The following ZAN variants were observed in gnomAD, a reference collection of about 807,000 sequenced individuals.
ZAN encodes zonadhesin (gene/pseudogene).
A neutral mutation model predicts 286.2 loss-of-function variants in ZAN; 260 were observed. The observed-to-expected ratio is 0.91, with a 90% CI of 0.82 to 1.01. The LOEUF (loss-of-function observed/expected upper bound fraction) is 1.01, where lower values mean the gene tolerates loss of function less well. Among genes scored for constraint, ZAN ranks in the 50% least tolerant of loss-of-function variants. The probability of loss-of-function intolerance (pLI) is 0.00; values close to 1 mark genes in which losing one functional copy is unlikely to be tolerated. For missense variants in ZAN, 3,410 were observed against 3,639.2 expected (o/e 0.94, Z 1.62); for synonymous variants, 1,368 against 1,417.5 (o/e 0.97, Z 0.79).
chr7:100,755,032 C>T (rs978004044), intron 14 of ZAN, among the ~76,000 whole-genome samples, 194 bp from the exon 15 acceptor site: 3 of 151,928 alleles, frequency 2.0e-5, no homozygotes, highest in Non-Finnish European at 2.9e-5. Context: ...TCAAACAGTC[C>T]TCCTGCCTCA....
chr7:100,749,689 T>C (rs1192545679), intron 11 of ZAN, among the ~76,000 whole-genome samples: 9 of 131,316 alleles, frequency 6.9e-5, no homozygotes, highest in Admixed American at 3.9e-4. Flanking sequence ...CACACACACA[T>C]ATATATACAC....
Position 100,752,663 on chromosome 7 carries a change from C to G in ZAN, c.2558C>G (p.Ser853Cys). 4 of 1,612,320 alleles carry G rather than the reference C, an allele frequency of 2.5e-6. No individual in the cohort carries two copies. The highest frequency in any genetic ancestry group is 3.4e-6 in the Non-Finnish European group (4 of 1,179,182). Residue 853 changes from serine to cysteine, a missense_variant, in exon 14 of 48, where the codon TCC becomes TGC. By Grantham distance (112) the Ser-to-Cys change is moderately radical. Coordinates refer to ENST00000613979, the MANE Select transcript of ZAN (RefSeq NM_003386.3). ...ATCCCCATGGAAAAACCCACCATCT[C>G]CACAGAAAAACCCACCATCCCCACA... ...LTIPMEKPTISTEKPTIPTEK... is the reference protein window; with the variant it reads ...LTIPMEKPTICTEKPTIPTEK...
chr7:100,759,635 C>A, intron 17 of ZAN, 86 bp from the exon 18 acceptor site: 1 of 1,343,106 alleles, frequency 7.4e-7, no homozygotes, highest in Non-Finnish European at 9.6e-7. Context: ...GCTCATCTCT[C>A]CCTGCGGCGC....
chr7:100,752,849 T>G lies in ZAN; in HGVS notation c.2744T>G (p.Ile915Ser), dbSNP rs567597742. The G allele has an allele frequency of 1.9e-6, 3 of 1,598,396 alleles. No homozygotes were observed. In the East Asian group the frequency reaches 6.8e-5, roughly 36 times the overall value. Residue 915 changes from isoleucine (I) to serine (S), a missense_variant, in exon 14 of 48, where the codon ATC becomes AGC. This residue lies in a region of ZAN where 51 missense variants were observed against 105.2 expected (regional missense o/e 0.48). Coordinates refer to ENST00000613979, the MANE Select transcript of ZAN (RefSeq NM_003386.3). ...KPTISPEKPT[I>S]STEKPTIPTE... The stretch of plus-strand genomic sequence containing the variant: ...ACCATCTCCCCAGAAAAACCCACCA[T>G]CTCCACGGAAAAACCCACCATCCCC...
chr7:100,746,996 A>G (rs1339246413), intron 8 of ZAN, among the ~76,000 whole-genome samples: 1 of 152,108 alleles, frequency 6.6e-6, no homozygotes, highest in East Asian at 1.9e-4. Flanking sequence ...AGGCAGGAGA[A>G]TCGCTTGAAC....
At position 100,779,864 on chromosome 7, in the gene ZAN, T is replaced by C. The variant is rs1045536952; in HGVS notation, c.6622+114T>C. The C allele has an allele frequency of 2.3e-5, 27 of 1,151,130 alleles. No individual in the cohort carries two copies. The South Asian group carries it at 4.7e-4, about 20-fold the overall frequency. The allele number at this position is 1,151,130 out of a possible 1,614,324, so 71.3% of individuals were successfully genotyped here. ...TCGTTCCTGACTAACTCAGCCCTCA[T>C]TGTTTCTTTGACAAGGACTATTTTT... On this transcript the variant is annotated intron_variant, in intron 35 of 47. Coordinates refer to ENST00000613979, the MANE Select transcript of ZAN (RefSeq NM_003386.3).
intron 14 of ZAN, among the ~76,000 whole-genome samples, chr7:100,753,901 A>T (rs1808968840): frequency 6.6e-6 from 1 of 151,466 alleles, no homozygotes; most frequent in South Asian, 2.1e-4. Flanking sequence ...AGGTTGTGCA[A>T]CCATCATCAC....
In ZAN at chr7:100,752,652, A is replaced by G. The variant is rs1808822372; in HGVS notation, c.2547A>G (p.Lys849=). ...AAAAACTCACCATCCCCATGGAAAA[A>G]CCCACCATCTCCACAGAAAAACCCA... ...STEKLTIPME[K]PTISTEKPTI... Residue 849 remains lysine, a synonymous_variant, in exon 14 of 48, where the codon AAA becomes AAG. Transcript: ENST00000613979. 1 of 1,608,838 alleles carries G rather than the reference A, an allele frequency of 6.2e-7. No individual in the cohort carries two copies. The highest frequency in any genetic ancestry group is 1.4e-5 in the African/African-American group (1 of 73,256).
chr7:100,792,587 C>T (rs772818852), intron 42 of ZAN, 108 bp downstream of exon 42: 16 of 1,548,646 alleles, frequency 1.0e-5, no homozygotes, highest in Middle Eastern at 2.1e-4. Flanking sequence ...ACCCCTCTGC[C>T]GTCCACCTCT....
intron 29 of ZAN, 71 bp downstream of exon 29, chr7:100,772,091 T>TA: frequency 7.5e-7 from 1 of 1,329,830 alleles, no homozygotes; most frequent in Non-Finnish European, 9.9e-7. Context: ...TTTCTTCCTC[T>TA]AAATTCTTTT....
intron 31 of ZAN, 98 bp downstream of exon 31, chr7:100,773,963 G>A: frequency 6.8e-7 from 1 of 1,466,826 alleles, no homozygotes; most frequent in Non-Finnish European, 9.1e-7. Flanking sequence ...TGGGTTTCAG[G>A]TTTTGACTGG....
Position 100,752,087 on chromosome 7 carries a change from C to T in ZAN, c.1982C>T (p.Pro661Leu), listed in dbSNP as rs756492311. The change falls in exon 14 of 48, where the codon CCC (proline) becomes CTC (leucine). Residue 661 changes from proline to leucine, a missense_variant. By Grantham distance (98) the Pro-to-Leu change is moderately conservative. Coordinates refer to ENST00000613979, the MANE Select transcript of ZAN (RefSeq NM_003386.3). Reference protein sequence around the residue: ...TEKPTVPTEEPTTPTEETTTS... With the variant: ...TEKPTVPTEELTTPTEETTTS... ...AAACCCACCGTCCCCACAGAAGAGCCCACCACCCCCACTGAGGAGACCACC... is the reference window on the plus strand; with the variant it reads ...AAACCCACCGTCCCCACAGAAGAGCTCACCACCCCCACTGAGGAGACCACC... 1.7e-5 allele frequency: 28 copies of T among 1,612,658 alleles called. No individual in the cohort carries two copies. The Admixed American group carries it at 4.3e-4, about 25-fold the overall frequency.
chr7:100,783,777 TATATATACAC>T lies in ZAN; in HGVS notation c.6623-838_6623-829del, dbSNP rs1240405012. On this transcript the variant is annotated intron_variant, in intron 35 of 47. Coordinates refer to ENST00000613979, the MANE Select transcript of ZAN (RefSeq NM_003386.3). Reference sequence around the variant, plus strand: ...AAAAAAAAAAAAATATATATATATATATATATACACATATATATATATACACACATATATA... The same window carrying T: ...AAAAAAAAAAAAATATATATATATATATATATATATATACACACATATATA... Among the ~76,000 whole-genome samples, 6 of 27,052 alleles carry T rather than the reference TATATATACAC, an allele frequency of 2.2e-4. 1 individual carries two copies. The highest frequency in any genetic ancestry group is 3.8e-4 in the Non-Finnish European group (5 of 12,990). 17.7% of individuals were successfully genotyped at this position (27,052 alleles called of 152,430 possible).
At chr7:100,788,243 G>A in intron 38 of ZAN, 107 bp downstream of exon 38, 1 of 1,382,626 alleles carries the variant, frequency 7.2e-7, no homozygotes, top group South Asian at 1.8e-5. Flanking sequence ...TTGTGGCAGG[G>A]GTGGGCTGGT....
At chr7:100,790,764 T>C (rs1181203735) in intron 39 of ZAN, among the ~76,000 whole-genome samples, 178 bp from the exon 40 acceptor site, 1 of 150,652 alleles carries the variant, frequency 6.6e-6, no homozygotes, top group Non-Finnish European at 1.5e-5. Flanking sequence ...GTGCCTGTAG[T>C]TCCAGCTACT....
At chr7:100,750,483 A>G in intron 11 of ZAN, 142 bp from the exon 12 acceptor site, 1 of 1,066,798 alleles carries the variant, frequency 9.4e-7, no homozygotes, top group Non-Finnish European at 1.3e-6. Context: ...GATGTCTAAA[A>G]TGAGCAGAAA....
rs779380064 is a variant in ZAN at position 100,768,645 on chromosome 7, C to T, written c.5077C>T (p.Arg1693Cys). 4.5e-5 allele frequency: 72 copies of T among 1,610,660 alleles called. No individual in the cohort carries two copies. Among genetic ancestry groups the T allele is most frequent in the African/African-American group, 1.2e-4 (9 of 74,858 alleles). The change falls in exon 27 of 48, where the codon CGC becomes TGC. Residue 1693 changes from arginine (R) to cysteine (C), a missense_variant. Arg to Cys is a radical substitution (Grantham distance 180). This residue lies in a region of ZAN where 1,042 missense variants were observed against 1,058.0 expected (regional missense o/e 0.98). Coordinates refer to ENST00000613979, the MANE Select transcript of ZAN (RefSeq NM_003386.3). ...CAACAACAGCTTGGATGACAACCTGCGCCCCGACAGAAAGCTTGCAGGCGA... is the reference window on the plus strand; with the variant it reads ...CAACAACAGCTTGGATGACAACCTGTGCCCCGACAGAAAGCTTGCAGGCGA... ...YNNNSLDDNL[R>C]PDRKLAGDSM... is the part of the protein sequence containing the mutation.
chr7:100,763,947 G>A lies in ZAN; in HGVS notation c.4097+31G>A. 6.2e-7 allele frequency: 1 copy of A among 1,600,278 alleles called. No individual in the cohort carries two copies. Among genetic ancestry groups the A allele is most frequent in the Non-Finnish European group, 8.5e-7 (1 of 1,173,924 alleles). On this transcript the variant is annotated intron_variant, in intron 21 of 47. Transcript: ENST00000613979. The surrounding 1 kb of genome is among the most constrained non-coding windows in gnomAD (Gnocchi z 4.6). ...AAGGAGGGCAGGCAGGGTCGCACAGGGGCGATGCTTGGCACCTGGGCTCCT... is the reference window on the plus strand; with the variant it reads ...AAGGAGGGCAGGCAGGGTCGCACAGAGGCGATGCTTGGCACCTGGGCTCCT...
intron 19 of ZAN, among the ~76,000 whole-genome samples, chr7:100,761,672 C>T (rs1322822940): frequency 6.6e-6 from 1 of 151,798 alleles, no homozygotes; most frequent in East Asian, 1.9e-4. Context: ...TTTGGCCAGG[C>T]ACGGTGGCTG....
Sources: gnomAD v4.1 joint callset for allele counts (sites outside exome capture counted in the v4.1 genomes callset) on GRCh38, gnomAD v4.1.1 for gene constraint, gnomAD v4.1.1 regional missense constraint, Gnocchi (gnomAD v3.1) non-coding constraint, MANE v1.5 for transcripts, NCBI Gene and HGNC (gene_info 2026-07-23, HGNC 2026-07-21) for gene names.